EDIL3: variants seen among roughly 807,000 people sequenced by gnomAD.
EDIL3 encodes the protein EGF-like repeat and discoidin I-like domain-containing protein 3.
Under a neutral mutation model 67.4 loss-of-function variants are expected in EDIL3, and 37 were observed. The observed-to-expected ratio is 0.55, with a 90% CI of 0.42 to 0.72. The LOEUF is 0.72. Ranked by LOEUF, EDIL3 falls within the 30% of genes least tolerant of loss-of-function variation. The pLI, the probability that EDIL3 is intolerant of heterozygous loss-of-function variation, is 0.00. For missense variants in EDIL3, 527 were observed against 586.3 expected, an observed-to-expected ratio of 0.90 and a Z score of 1.04; for synonymous variants, 195 against 196.3, an observed-to-expected ratio of 0.99 and a Z score of 0.05.
intron 4 of EDIL3, among the ~76,000 whole-genome samples, chr5:84,180,046 C>A: frequency 6.6e-6 from 1 of 150,722 alleles, no homozygotes. Context: ...AACCTAATCA[C>A]CAGAGTAATT....
At chr5:84,272,366 C>T (rs1205938006) in intron 1 of EDIL3, among the ~76,000 whole-genome samples, 1 of 151,828 alleles carries the variant, frequency 6.6e-6, no homozygotes, top group Admixed American at 6.6e-5. Context: ...CCAACCTCCA[C>T]GTAATTGTCA....
At chr5:83,947,365 G>C (rs1269696932) in intron 10 of EDIL3, among the ~76,000 whole-genome samples, 1 of 106,134 alleles carries the variant, frequency 9.4e-6, no homozygotes, top group Non-Finnish European at 2.1e-5. Flanking sequence ...GTCTGTGTCT[G>C]TGTCTGTGTG....
chr5:84,086,576 AGAC>A (rs1026104612), intron 6 of EDIL3, among the ~76,000 whole-genome samples: 8 of 151,800 alleles, frequency 5.3e-5, no homozygotes, highest in Admixed American at 4.6e-4. Flanking sequence ...TGGGAGCTGC[AGAC>A]CAGAGCTGTT....
chr5:84,124,088 C>G (rs918262419), intron 5 of EDIL3, among the ~76,000 whole-genome samples: 1 of 151,836 alleles, frequency 6.6e-6, no homozygotes, highest in African/African-American at 2.4e-5. Context: ...CACTCGACTG[C>G]CTGAACTTAT....
intron 1 of EDIL3, among the ~76,000 whole-genome samples, chr5:84,282,965 G>C (rs774947537): frequency 1.9e-4 from 29 of 151,872 alleles, no homozygotes; most frequent in African/African-American, 6.5e-4. Context: ...TTTATCATTC[G>C]ATTTGTTCTT....
chr5:84,371,823 G>A (rs1747862185), intron 1 of EDIL3, among the ~76,000 whole-genome samples: 1 of 151,844 alleles, frequency 6.6e-6, no homozygotes, highest in East Asian at 1.9e-4. Flanking sequence ...GAAAATGTGT[G>A]GCCTGACAGA....
At chr5:84,247,138 T>G (rs1366920673) in intron 2 of EDIL3, among the ~76,000 whole-genome samples, 1 of 152,148 alleles carries the variant, frequency 6.6e-6, no homozygotes, top group Non-Finnish European at 1.5e-5. Context: ...CCGTGAAACA[T>G]AGCTCTCATT....
chr5:84,252,888 G>A (rs537484806), intron 2 of EDIL3, among the ~76,000 whole-genome samples: 48 of 152,172 alleles, frequency 3.2e-4, no homozygotes, highest in African/African-American at 1.1e-3. Context: ...AGCATTAAAA[G>A]AGAATTATCT....
intron 3 of EDIL3, among the ~76,000 whole-genome samples, chr5:84,217,824 C>T (rs754214412): frequency 6.6e-6 from 1 of 150,990 alleles, no homozygotes; most frequent in African/African-American, 2.4e-5. Flanking sequence ...CTCTCCTTTT[C>T]TTTTTAAATC....
intron 3 of EDIL3, among the ~76,000 whole-genome samples, chr5:84,183,026 GCTGCAGAAC>G (rs1338470037): frequency 6.6e-6 from 1 of 152,108 alleles, no homozygotes; most frequent in Non-Finnish European, 1.5e-5. Flanking sequence ...TGAAAATCAT[GCTGCAGAAC>G]CTATCTCTCC....
Position 83,963,188 on chromosome 5 carries a change from C to T in EDIL3, c.1293+17G>A, listed in dbSNP as rs368525093. On this transcript the variant is annotated intron_variant, in intron 10 of 10. Transcript: ENST00000296591. ...TCCTCCACTTCTGAACTTTATAAAC[C>T]GATTTGGCTGACTTACCTTATCTTT... 4.4e-5 allele frequency: 70 copies of T among 1,579,516 alleles called. No individual in the cohort carries two copies. The highest frequency in any genetic ancestry group is 1.1e-4 in the East Asian group (5 of 43,932).
At chr5:84,046,309 AG>A (rs1465279650) in intron 9 of EDIL3, among the ~76,000 whole-genome samples, 22 of 152,276 alleles carry the variant, frequency 1.4e-4, no homozygotes, top group African/African-American at 4.6e-4. Flanking sequence ...ATTCAAGACA[AG>A]ATAAGTGACC....
At chr5:84,359,177 G>A (rs1206532251) in intron 1 of EDIL3, among the ~76,000 whole-genome samples, 1 of 152,106 alleles carries the variant, frequency 6.6e-6, no homozygotes, top group Non-Finnish European at 1.5e-5. Context: ...TGTTTTAAAT[G>A]AACCATTTAT....
At chr5:83,978,246 A>G (rs1744907310) in intron 9 of EDIL3, among the ~76,000 whole-genome samples, 2 of 151,924 alleles carry the variant, frequency 1.3e-5, no homozygotes, top group Admixed American at 1.3e-4. Flanking sequence ...TTAGAAACCC[A>G]TTCACTACAA....
intron 3 of EDIL3, among the ~76,000 whole-genome samples, chr5:84,193,703 T>C (rs557610402): frequency 6.6e-6 from 1 of 152,072 alleles, no homozygotes; most frequent in South Asian, 2.1e-4. Flanking sequence ...GGATGTGGTA[T>C]CATTCTGGCA....
In EDIL3 at chr5:84,064,846, T is replaced by C; in HGVS notation, c.808-2A>G. 1 of 1,609,966 alleles carries C rather than the reference T, an allele frequency of 6.2e-7. No individual in the cohort carries two copies. Among genetic ancestry groups the C allele is most frequent in the Non-Finnish European group, 8.5e-7 (1 of 1,177,786 alleles). ...GTTATCAATGTTTCCACGAAACACCTGTGTAAAAACAGTTTAAAATTATTC... is the reference window on the plus strand; with the variant it reads ...GTTATCAATGTTTCCACGAAACACCCGTGTAAAAACAGTTTAAAATTATTC... On this transcript the variant is annotated splice_acceptor_variant, in intron 7 of 10. Transcript: ENST00000296591. LOFTEE classifies it high-confidence loss of function.
chr5:84,166,957 A>T (rs1748715850), intron 4 of EDIL3, among the ~76,000 whole-genome samples: 1 of 152,196 alleles, frequency 6.6e-6, no homozygotes, highest in Non-Finnish European at 1.5e-5. Flanking sequence ...ATAGTTGGAT[A>T]TAAGATCAAG....
At chr5:84,066,655 C>A in intron 6 of EDIL3, 49 bp from the exon 7 acceptor site, 1 of 1,566,894 alleles carries the variant, frequency 6.4e-7, no homozygotes, top group Non-Finnish European at 8.6e-7. Context: ...TTCAGGATAA[C>A]AATACTGAAA....
intron 2 of EDIL3, among the ~76,000 whole-genome samples, chr5:84,231,753 T>C (rs1744584501): frequency 1.3e-5 from 2 of 152,150 alleles, no homozygotes; most frequent in South Asian, 4.1e-4. Context: ...ATGTCCAAAA[T>C]ATATCATAAC....
Sources: gnomAD v4.1 joint callset for allele counts (sites outside exome capture counted in the v4.1 genomes callset) on GRCh38, gnomAD v4.1.1 for gene constraint, MANE v1.5 for transcripts, NCBI Gene and HGNC (gene_info 2026-07-23, HGNC 2026-07-21) for gene names.